WNK2: variants seen among roughly 807,000 people sequenced by gnomAD.
The protein encoded by WNK2 is serine/threonine-protein kinase WNK2.
Under a neutral mutation model 192.1 loss-of-function variants are expected in WNK2, and 67 were observed. The ratio of observed to expected loss-of-function variants is 0.35; its 90% CI spans 0.29 to 0.43. WNK2 has a LOEUF of 0.43. Among genes scored for constraint, WNK2 ranks in the 20% least tolerant of loss-of-function variants. WNK2 has a pLI of 1.00. For synonymous variants in WNK2, 1,439 were observed against 1,393.9 expected, an observed-to-expected ratio of 1.03 and a Z score of -0.72; for missense variants, 2,698 against 3,089.7, an observed-to-expected ratio of 0.87 and a Z score of 3.01.
Position 93,256,944 on chromosome 9 carries a change from C to T in WNK2, c.2191-4C>T. 6.4e-7 allele frequency: 1 copy of T among 1,554,316 alleles called. No individual in the cohort carries two copies. Among genetic ancestry groups the T allele is most frequent in the Non-Finnish European group, 8.7e-7 (1 of 1,156,064 alleles). ...CTAAGGGGAGCTACCTTCTCTCCCT[C>T]TAGCCTCCTCCGCTGGCCCAGCCGA... On this transcript the variant is annotated splice_region_variant and splice_polypyrimidine_tract_variant and intron_variant, in intron 10 of 29. Coordinates refer to ENST00000427277, the MANE Select transcript of WNK2 (RefSeq NM_006648.4).
rs80178450 is a variant in WNK2 at position 93,235,548 on chromosome 9, G to T, written c.1233+583G>T. 4.2e-3 allele frequency among the ~76,000 whole-genome samples: 640 copies of T among 152,336 alleles called. 3 individuals are homozygous for T. Among genetic ancestry groups the T allele is most frequent in the African/African-American group, 0.015 (603 of 41,584 alleles). On this transcript the variant is annotated intron_variant, in intron 5 of 29. Transcript: ENST00000427277. ...CGGCTTCAGCTGCATAAACAGATCT[G>T]TCTTGTCCTCCCTCTGTGGTGGCCC...
chr9:93,257,015 A>G lies in WNK2; in HGVS notation c.2258A>G (p.Gln753Arg), dbSNP rs746370442. ...GCCCCACAGCCCGTGGTCCCCCTCC[A>G]GCCGGTTCCCCCCCACCTGCCACCG... Reference protein sequence around the residue: ...VLAPQPVVPLQPVPPHLPPYL... With the variant: ...VLAPQPVVPLRPVPPHLPPYL... The change falls in exon 11 of 30, where the codon CAG becomes CGG. Residue 753 changes from glutamine (Q) to arginine (R), a missense_variant. Around this residue, in one of 7 missense-constraint regions of WNK2, gnomAD observed 893 missense variants for 909.0 expected, o/e 0.98. Transcript: ENST00000427277. This position sits in a 1 kb window ranked among gnomAD's most constrained non-coding sequence, Gnocchi z 4.7. 7 of 1,602,826 alleles carry G rather than the reference A, an allele frequency of 4.4e-6. No homozygotes were observed. Among genetic ancestry groups the G allele is most frequent in the South Asian group, 1.1e-5 (1 of 90,278 alleles).
At chr9:93,297,239 C>A (rs981287567) in intron 23 of WNK2, among the ~76,000 whole-genome samples, 10 of 151,722 alleles carry the variant, frequency 6.6e-5, no homozygotes, top group African/African-American at 2.2e-4. Flanking sequence ...CTCCCCTGGG[C>A]ATCCTCCTCT....
chr9:93,268,469 G>A lies in WNK2; in HGVS notation c.3914-158G>A, dbSNP rs1845514695. Among the ~76,000 whole-genome samples, 4 of 152,050 alleles carry A rather than the reference G, an allele frequency of 2.6e-5. No individual in the cohort carries two copies. In the South Asian group the frequency reaches 8.3e-4, roughly 32 times the overall value. The stretch of plus-strand genomic sequence containing the variant: ...GGAAGCGTTGGGGATTAATGACTGG[G>A]AACAGTGTTCTCTGCCCACACCCTT... On this transcript the variant is annotated intron_variant, in intron 18 of 29. Transcript: ENST00000427277.
Position 93,247,494 on chromosome 9 carries a change from C to T in WNK2, c.1543-49C>T, listed in dbSNP as rs112756131. 0.022 allele frequency: 34,359 copies of T among 1,574,068 alleles called. 466 individuals are homozygous for T. The highest frequency in any genetic ancestry group is 0.04 in the East Asian group (1,736 of 43,184). ...AGCACTTTAGGTAAGGGGTGTGGGCCGGTGAGGGCTGATCCCCAGCGATGC... is the reference window on the plus strand; with the variant it reads ...AGCACTTTAGGTAAGGGGTGTGGGCTGGTGAGGGCTGATCCCCAGCGATGC... On this transcript the variant is annotated intron_variant, in intron 7 of 29. Transcript: ENST00000427277. The surrounding 1 kb of genome is among the most constrained non-coding windows in gnomAD (Gnocchi z 5.2).
chr9:93,281,329 A>T (rs562227491), intron 19 of WNK2, among the ~76,000 whole-genome samples: 2 of 152,098 alleles, frequency 1.3e-5, no homozygotes, highest in African/African-American at 4.8e-5. Context: ...TAAAAGAAAC[A>T]AATGACTAGA....
At chr9:93,319,255 C>T (rs1855226353) in intron 29 of WNK2, 1 of 1,561,140 alleles carries the variant, frequency 6.4e-7, no homozygotes. Context: ...ATATAAAATC[C>T]AAAGCAACCA....
intron 2 of WNK2, among the ~76,000 whole-genome samples, chr9:93,212,131 C>T (rs906536821): frequency 2.8e-4 from 42 of 152,244 alleles, no homozygotes; most frequent in African/African-American, 9.9e-4. Flanking sequence ...GTTGTTTATT[C>T]ACTGGCTTAT....
At chr9:93,208,942 C>A (rs549429671) in intron 2 of WNK2, among the ~76,000 whole-genome samples, 1 of 152,240 alleles carries the variant, frequency 6.6e-6, no homozygotes, top group African/African-American at 2.4e-5. Flanking sequence ...GAGCCCCTCC[C>A]TCTGATGGTG....
chr9:93,202,644 G>T (rs1832660849), intron 2 of WNK2, among the ~76,000 whole-genome samples: 1 of 151,890 alleles, frequency 6.6e-6, no homozygotes, highest in Non-Finnish European at 1.5e-5. Flanking sequence ...ATTACATGGG[G>T]TGGGGCTGGG....
chr9:93,301,854 C>T (rs1851671348), intron 26 of WNK2, among the ~76,000 whole-genome samples: 1 of 152,210 alleles, frequency 6.6e-6, no homozygotes, highest in South Asian at 2.1e-4. Context: ...GGCTTAGCCC[C>T]CATCAGGCAA....
chr9:93,254,340 C>A (rs1305342707), intron 9 of WNK2, among the ~76,000 whole-genome samples: 1 of 152,242 alleles, frequency 6.6e-6, no homozygotes. Context: ...GTGAGCAGCT[C>A]CTGCCTGGCG....
At chr9:93,230,859 T>C (rs1178015326) in intron 3 of WNK2, 29 bp from the exon 4 acceptor site, 1 of 1,598,744 alleles carries the variant, frequency 6.3e-7, no homozygotes, top group South Asian at 1.1e-5. Flanking sequence ...GCGAGCTGCT[T>C]GGTGAGCTGT....
chr9:93,281,470 G>T (rs1847726833), intron 19 of WNK2, among the ~76,000 whole-genome samples: 1 of 152,122 alleles, frequency 6.6e-6, no homozygotes, highest in Non-Finnish European at 1.5e-5. Context: ...GAGAGAATCG[G>T]CAAGCTCTAA....
Position 93,247,463 on chromosome 9 carries a change from T to C in WNK2, c.1543-80T>C. ...GTGTCCTGCGTGGATGAGCCAGTGA[T>C]GGGAAAGCACTTTAGGTAAGGGGTG... is the stretch of plus-strand genomic sequence containing the variant. On this transcript the variant is annotated intron_variant, in intron 7 of 29. Coordinates refer to ENST00000427277, the MANE Select transcript of WNK2 (RefSeq NM_006648.4). This position sits in a 1 kb window ranked among gnomAD's most constrained non-coding sequence, Gnocchi z 5.2. 1.3e-6 allele frequency: 2 copies of C among 1,498,358 alleles called. No homozygotes were observed. The highest frequency in any genetic ancestry group is 2.4e-5 in the East Asian group (1 of 40,892). 92.8% of individuals were successfully genotyped at this position (1,498,358 alleles called of 1,614,324 possible). A position where few individuals can be genotyped will look rare whatever the true frequency, so the allele number is the denominator to read the frequency against.
In WNK2 at chr9:93,229,223, C is replaced by G. The variant is rs1210253693; in HGVS notation, c.682-473C>G. ...TCAGTTTGGCTCTGCTAGGGCTTTTCTCTTCCCTCCATTCTCAGCTCTTAT... is the reference window on the plus strand; with the variant it reads ...TCAGTTTGGCTCTGCTAGGGCTTTTGTCTTCCCTCCATTCTCAGCTCTTAT... On this transcript the variant is annotated intron_variant, in intron 2 of 29. Transcript: ENST00000427277. This position sits in a 1 kb window ranked among gnomAD's most constrained non-coding sequence, Gnocchi z 4.9. Among the ~76,000 whole-genome samples, 1 of 151,740 alleles carries G rather than the reference C, an allele frequency of 6.6e-6. No homozygotes were observed. The highest frequency in any genetic ancestry group is 1.5e-5 in the Non-Finnish European group (1 of 67,708).
rs372882100 is a variant in WNK2 at position 93,261,991 on chromosome 9, A to T, written c.3244A>T (p.Ser1082Cys). The change falls in exon 13 of 30, where the codon AGT (serine) becomes TGT (cysteine). Residue 1082 changes from serine (S) to cysteine (C), a missense_variant. This residue lies in a region of WNK2 where 893 missense variants were observed against 909.0 expected (regional missense o/e 0.98). Transcript: ENST00000427277. Reference protein sequence around the residue: ...SLATVSASVQSVPTQTATLLP... With the variant: ...SLATVSASVQCVPTQTATLLP... ...GGCCACGGTGTCTGCCTCTGTGCAG[A>T]GTGTGCCCACCCAGACTGCCACACT... The T allele has an allele frequency of 3.1e-6, 5 of 1,611,828 alleles. No individual in the cohort carries two copies. The highest frequency in any genetic ancestry group is 3.4e-4 in the Middle Eastern group (2 of 5,970).
Position 93,257,214 on chromosome 9 carries a change from C to A in WNK2, c.2382+75C>A. The A allele has an allele frequency of 6.8e-7, 1 of 1,476,234 alleles. No homozygotes were observed. The highest frequency in any genetic ancestry group is 9.1e-7 in the Non-Finnish European group (1 of 1,096,020). 91.4% of individuals were successfully genotyped at this position (1,476,234 alleles called of 1,614,324 possible). ...GCCCTGGCTGGTGCACTAGGACACC[C>A]ACAGAGGGGGTTGTCTGTGCATGTG... On this transcript the variant is annotated intron_variant, in intron 11 of 29. Coordinates refer to ENST00000427277, the MANE Select transcript of WNK2 (RefSeq NM_006648.4). The surrounding 1 kb of genome is among the most constrained non-coding windows in gnomAD (Gnocchi z 4.7).
At chr9:93,281,606 C>CA (rs1847748252) in intron 19 of WNK2, among the ~76,000 whole-genome samples, 1 of 152,082 alleles carries the variant, frequency 6.6e-6, no homozygotes, top group African/African-American at 2.4e-5. Flanking sequence ...CAAGAGAATG[C>CA]AGCAAAAACA....
Sources: gnomAD v4.1 joint callset for allele counts (sites outside exome capture counted in the v4.1 genomes callset) on GRCh38, gnomAD v4.1.1 for gene constraint, gnomAD v4.1.1 regional missense constraint, Gnocchi (gnomAD v3.1) non-coding constraint, MANE v1.5 for transcripts, NCBI Gene and HGNC (gene_info 2026-07-23, HGNC 2026-07-21) for gene names.